The following ARHGAP44 variants were observed in gnomAD, a reference collection of about 807,000 sequenced individuals.
ARHGAP44 encodes Rho GTPase activating protein 44.
A neutral mutation model predicts 106.8 loss-of-function variants in ARHGAP44; 43 were observed. The ratio of observed to expected loss-of-function variants is 0.40; its 90% CI spans 0.32 to 0.52. The LOEUF (loss-of-function observed/expected upper bound fraction) is 0.52. ARHGAP44 is among the 20% of genes least tolerant of loss of function. The pLI is 0.48. For synonymous variants in ARHGAP44, 439 were observed against 410.3 expected (o/e 1.07, Z -0.85); for missense variants, 866 against 1,050.5 (o/e 0.82, Z 2.43).
chr17:12,940,917 A>C (rs1003317673), intron 7 of ARHGAP44, 139 bp from the exon 8 acceptor site: 2 of 635,236 alleles, frequency 3.1e-6, no homozygotes, highest in African/African-American at 3.7e-5. Context: ...ATGCCCATGG[A>C]AAGTTTGTAT....
At chr17:12,886,541 A>C (rs2036886700) in intron 1 of ARHGAP44, among the ~76,000 whole-genome samples, 1 of 152,094 alleles carries the variant, frequency 6.6e-6, no homozygotes, top group African/African-American at 2.4e-5. Context: ...GTTTTAATGG[A>C]TTAACACCTA....
intron 1 of ARHGAP44, among the ~76,000 whole-genome samples, chr17:12,816,566 TAA>T (rs1280496082): frequency 6.6e-6 from 1 of 152,142 alleles, no homozygotes; most frequent in African/African-American, 2.4e-5. Flanking sequence ...TTAGAATTAT[TAA>T]GAGTTTAGCA....
Position 12,813,034 on chromosome 17 carries a change from G to A in ARHGAP44, c.53+23143G>A, listed in dbSNP as rs1294753954. Among the ~76,000 whole-genome samples the A allele has an allele frequency of 2.0e-5, 3 of 152,210 alleles. No individual in the cohort carries two copies. The East Asian group carries it at 5.8e-4, about 29-fold the overall frequency. ...GAGTAATTGGACCTTGGTTTACTCA[G>A]CTCCATTACTTCTCACTGTTGGCCA... On this transcript the variant is annotated intron_variant, in intron 1 of 20. Transcript: ENST00000379672.
chr17:12,882,577 A>G (rs1239909819), intron 1 of ARHGAP44, among the ~76,000 whole-genome samples: 2 of 152,106 alleles, frequency 1.3e-5, no homozygotes, highest in African/African-American at 4.8e-5. Flanking sequence ...ACATGTTTCC[A>G]GTAAGAATAA....
intron 6 of ARHGAP44, among the ~76,000 whole-genome samples, chr17:12,927,326 C>T (rs1370307332): frequency 6.6e-6 from 1 of 152,142 alleles, no homozygotes; most frequent in Non-Finnish European, 1.5e-5. Context: ...CTTTTAGTTT[C>T]CATTTCTTGT....
At chr17:12,959,067 G>T (rs192378353) in intron 16 of ARHGAP44, 170 bp downstream of exon 16, 13 of 797,726 alleles carry the variant, frequency 1.6e-5, no homozygotes, top group Admixed American at 1.3e-4. Context: ...AGTTTCTTTG[G>T]CTTGCCGCCC....
At chr17:12,932,858 C>T (rs146961235) in intron 7 of ARHGAP44, among the ~76,000 whole-genome samples, 18 of 152,144 alleles carry the variant, frequency 1.2e-4, no homozygotes, top group Admixed American at 5.2e-4. Flanking sequence ...GCACCTGAGA[C>T]GATAGTATAC....
rs1262771087 is a variant in ARHGAP44, at chr17:12,949,038, T to G, written c.862-102T>G. The G allele has an allele frequency of 2.7e-6, 3 of 1,131,094 alleles. No individual in the cohort carries two copies. The highest frequency in any genetic ancestry group is 2.7e-5 in the South Asian group (2 of 75,042). The allele number at this position is 1,131,094 out of a possible 1,614,324, so 70.1% of individuals were successfully genotyped here. A position where few individuals can be genotyped will look rare whatever the true frequency, so the allele number is the denominator to read the frequency against. On this transcript the variant is annotated intron_variant, in intron 10 of 20. Transcript: ENST00000379672. This position sits in a 1 kb window ranked among gnomAD's most constrained non-coding sequence, Gnocchi z 4.1. ...TGGGAGATGGTGTTGGGCAAATGCA[T>G]GTAAGAGGTTTTGGAGAAAAGAAGC...
intron 1 of ARHGAP44, among the ~76,000 whole-genome samples, chr17:12,893,569 C>G (rs1027418646): frequency 1.3e-5 from 2 of 152,196 alleles, no homozygotes; most frequent in Non-Finnish European, 2.9e-5. Flanking sequence ...TGGATGTTCT[C>G]TTTATGTTTC....
Position 12,874,590 on chromosome 17 carries a change from G to GTGTGGT in ARHGAP44, c.54-20349_54-20344dup, listed in dbSNP as rs2036498067. Among the ~76,000 whole-genome samples the GTGTGGT allele has an allele frequency of 2.6e-5, 4 of 152,210 alleles. No homozygotes were observed. The South Asian group carries it at 8.3e-4, about 32-fold the overall frequency. On this transcript the variant is annotated intron_variant, in intron 1 of 20. Coordinates refer to ENST00000379672, the MANE Select transcript of ARHGAP44 (RefSeq NM_014859.6). ...TACTAAAAATATAAAAATTAGCAGGGTGTGGTGGTGGGCACCTGTAAATCC... is the reference window on the plus strand; with the variant it reads ...TACTAAAAATATAAAAATTAGCAGGGTGTGGTTGTGGTGGTGGGCACCTGTAAATCC...
intron 16 of ARHGAP44, 177 bp from the exon 17 acceptor site, chr17:12,973,123 CAA>C: frequency 1.6e-6 from 1 of 634,396 alleles, no homozygotes; most frequent in African/African-American, 1.8e-5. Context: ...TACACTTACA[CAA>C]ATAGGAGAGT....
intron 3 of ARHGAP44, 84 bp from the exon 4 acceptor site, chr17:12,908,813 G>A: frequency 9.5e-7 from 1 of 1,048,124 alleles, no homozygotes; most frequent in South Asian, 1.4e-5. Flanking sequence ...TAATACCTTG[G>A]CAAGTATTTG....
intron 20 of ARHGAP44, chr17:12,987,062 T>C: frequency 2.0e-6 from 3 of 1,509,934 alleles, no homozygotes; most frequent in Non-Finnish European, 2.7e-6. Context: ...TTTGTCGTGT[T>C]GATTCCTTTC....
At chr17:12,863,002 A>T (rs1427924960) in intron 1 of ARHGAP44, among the ~76,000 whole-genome samples, 1 of 150,240 alleles carries the variant, frequency 6.7e-6, no homozygotes, top group African/African-American at 2.5e-5. Context: ...AAAATAAAAA[A>T]AAAGGCCGAG....
chr17:12,831,135 C>G (rs1052237808), intron 1 of ARHGAP44, among the ~76,000 whole-genome samples: 3 of 152,160 alleles, frequency 2.0e-5, no homozygotes, highest in Non-Finnish European at 4.4e-5. Context: ...AAGTTCATGC[C>G]ATACCTTATC....
At chr17:12,884,098 C>G (rs2150903448) in intron 1 of ARHGAP44, among the ~76,000 whole-genome samples, 1 of 152,042 alleles carries the variant, frequency 6.6e-6, no homozygotes, top group African/African-American at 2.4e-5. Context: ...TTGAAATAGG[C>G]TGGTATATGT....
intron 1 of ARHGAP44, among the ~76,000 whole-genome samples, chr17:12,825,445 A>G (rs377397934): frequency 6.7e-6 from 1 of 149,050 alleles, no homozygotes; most frequent in African/African-American, 2.5e-5. Context: ...TGTGTGCATT[A>G]TAGAGAGAGA....
chr17:12,986,092 A>G (rs935910034), intron 20 of ARHGAP44: 1 of 152,222 alleles, frequency 6.6e-6, no homozygotes, highest in Non-Finnish European at 1.5e-5. Flanking sequence ...AAGTGTTTGT[A>G]CTGGGTCAGA....
chr17:12,848,932 C>T (rs996345060), intron 1 of ARHGAP44, among the ~76,000 whole-genome samples: 1 of 151,912 alleles, frequency 6.6e-6, no homozygotes, highest in African/African-American at 2.4e-5. Flanking sequence ...CCTGTAATCC[C>T]AGCTACTCGG....
Sources: allele counts gnomAD v4.1 joint callset (sites outside exome capture counted in the v4.1 genomes callset), GRCh38; gene constraint gnomAD v4.1.1; non-coding constraint Gnocchi (gnomAD v3.1); transcripts MANE v1.5; gene names NCBI Gene and HGNC (gene_info 2026-07-23, HGNC 2026-07-21).